Variants in COL22A1 observed in about 807,000 individuals in gnomAD.
COL22A1 encodes the protein collagen type XXII alpha 1 chain, also known as collagen alpha-1(XXII) chain.
In COL22A1, 221 loss-of-function variants were observed where a neutral mutation model predicts 248.9. The ratio of observed to expected loss-of-function variants is 0.89; its 90% CI spans 0.80 to 0.99. The LOEUF is 0.99. COL22A1 is among the 50% of genes least tolerant of loss of function. The pLI is 0.00. For synonymous variants in COL22A1, 891 were observed against 793.4 expected (o/e 1.12, Z -2.07); for missense variants, 2,240 against 2,179.0 (o/e 1.03, Z -0.56).
At chr8:138,795,411 G>T (rs886796280) in intron 12 of COL22A1, among the ~76,000 whole-genome samples, 6 of 152,126 alleles carry the variant, frequency 3.9e-5, no homozygotes, top group Non-Finnish European at 1.5e-5. Context: ...ATGACACAAA[G>T]AAATGTGAGG....
chr8:138,858,066 G>T (rs900348400), intron 3 of COL22A1, among the ~76,000 whole-genome samples: 13 of 152,226 alleles, frequency 8.5e-5, no homozygotes, highest in African/African-American at 3.1e-4. Context: ...GACGTCATCA[G>T]TTCAGTGTGA....
intron 16 of COL22A1, among the ~76,000 whole-genome samples, chr8:138,773,903 T>C (rs1834601368): frequency 6.6e-6 from 1 of 152,206 alleles, no homozygotes; most frequent in East Asian, 1.9e-4. Flanking sequence ...AGCCCAGCCC[T>C]GCTGCGGGGC....
intron 55 of COL22A1, among the ~76,000 whole-genome samples, chr8:138,614,531 G>A (rs1819153345): frequency 6.6e-6 from 1 of 152,222 alleles, no homozygotes; most frequent in Admixed American, 6.5e-5. Context: ...AGGGAAGGAA[G>A]CATAGCCCAT....
intron 5 of COL22A1, 33 bp from the exon 6 acceptor site, chr8:138,826,814 T>G (rs1435452813): frequency 3.7e-6 from 6 of 1,612,020 alleles, no homozygotes; most frequent in Non-Finnish European, 5.1e-6. Context: ...ACACCAGGCT[T>G]GGCGATGAGA....
intron 3 of COL22A1, among the ~76,000 whole-genome samples, chr8:138,869,940 G>A (rs1012679729): frequency 4.6e-5 from 7 of 152,194 alleles, no homozygotes; most frequent in African/African-American, 7.2e-5. Context: ...TGTAGTGTGT[G>A]TAGTATATGT....
intron 16 of COL22A1, among the ~76,000 whole-genome samples, chr8:138,772,227 A>G (rs1459873869): frequency 2.0e-5 from 3 of 152,222 alleles, no homozygotes; most frequent in Non-Finnish European, 4.4e-5. Context: ...CCATGTGTCA[A>G]CAGAGGACTG....
At chr8:138,652,135 C>T (rs1473809811) in intron 45 of COL22A1, among the ~76,000 whole-genome samples, 4 of 152,224 alleles carry the variant, frequency 2.6e-5, no homozygotes. Flanking sequence ...CCCCGAGTCC[C>T]TCCTGGCCCT....
At chr8:138,869,073 G>A (rs1466979907) in intron 3 of COL22A1, among the ~76,000 whole-genome samples, 1 of 152,270 alleles carries the variant, frequency 6.6e-6, no homozygotes, top group South Asian at 2.1e-4. Flanking sequence ...GAAGAGAAAG[G>A]TTACATAACT....
At chr8:138,652,375 G>C (rs1822816222) in intron 45 of COL22A1, among the ~76,000 whole-genome samples, 1 of 152,216 alleles carries the variant, frequency 6.6e-6, no homozygotes, top group South Asian at 2.1e-4. Context: ...CTGACACAGA[G>C]TGAAAGCATA....
intron 41 of COL22A1, among the ~76,000 whole-genome samples, chr8:138,666,932 T>C (rs1489371198): frequency 6.6e-6 from 1 of 152,232 alleles, no homozygotes; most frequent in African/African-American, 2.4e-5. Flanking sequence ...TTAGACAGCT[T>C]CTCTGACCTT....
intron 24 of COL22A1, 97 bp downstream of exon 24, chr8:138,725,290 T>A: frequency 7.9e-7 from 1 of 1,270,310 alleles, no homozygotes; most frequent in Non-Finnish European, 1.2e-6. Flanking sequence ...CTTGGGTGGA[T>A]AAAAGACAAG....
At position 138,893,471 on chromosome 8, in the gene COL22A1, C is replaced by G. The variant is rs1825202320; in HGVS notation, c.-72-10227G>C. ...GATATATAAAAAGCCTAAAATGTAC[C>G]TGGACACAGATGGTGCTTAAGCCAC... On this transcript the variant is annotated intron_variant, in intron 1 of 64. Transcript: ENST00000303045. Among the ~76,000 whole-genome samples the G allele has an allele frequency of 2.0e-5, 3 of 152,290 alleles. No homozygotes were observed. In the South Asian group the frequency reaches 6.2e-4, roughly 32 times the overall value.
chr8:138,809,893 G>T (rs1818060466), intron 9 of COL22A1, among the ~76,000 whole-genome samples: 1 of 152,006 alleles, frequency 6.6e-6, no homozygotes, highest in African/African-American at 2.4e-5. Context: ...TTATTTATTG[G>T]CTTTCTCTGT....
chr8:138,892,543 C>A (rs1436922996), intron 1 of COL22A1, among the ~76,000 whole-genome samples: 1 of 152,208 alleles, frequency 6.6e-6, no homozygotes, highest in Non-Finnish European at 1.5e-5. Flanking sequence ...TTCTCTCTCT[C>A]ACCCAGCCCT....
At chr8:138,656,058 G>A (rs998070231) in intron 44 of COL22A1, 114 bp from the exon 45 acceptor site, 10 of 815,272 alleles carry the variant, frequency 1.2e-5, no homozygotes, top group South Asian at 8.8e-5. Flanking sequence ...GACACACTGC[G>A]CCGTGCGTGG....
intron 12 of COL22A1, among the ~76,000 whole-genome samples, chr8:138,785,313 C>T: frequency 6.6e-6 from 1 of 152,222 alleles, no homozygotes; most frequent in East Asian, 1.9e-4. Context: ...AAGGTCCATG[C>T]TCCAACCCCT....
intron 1 of COL22A1, among the ~76,000 whole-genome samples, chr8:138,901,508 A>G (rs1016650967): frequency 6.6e-6 from 1 of 151,848 alleles, no homozygotes; most frequent in Non-Finnish European, 1.5e-5. Context: ...CTGAGACTAC[A>G]GGTACATACC....
intron 23 of COL22A1, among the ~76,000 whole-genome samples, chr8:138,732,209 A>G (rs546696769): frequency 6.6e-6 from 1 of 152,310 alleles, no homozygotes; most frequent in South Asian, 2.1e-4. Flanking sequence ...CCTTTTATAG[A>G]TGAGAATATT....
At chr8:138,710,750 C>T (rs1586534845) in intron 30 of COL22A1, among the ~76,000 whole-genome samples, 1 of 152,202 alleles carries the variant, frequency 6.6e-6, no homozygotes, top group South Asian at 2.1e-4. Context: ...TGTGGCATTG[C>T]TCTGACTAAA....
Sources: allele counts gnomAD v4.1 joint callset (sites outside exome capture counted in the v4.1 genomes callset), GRCh38; gene constraint gnomAD v4.1.1; transcripts MANE v1.5; gene names NCBI Gene and HGNC (gene_info 2026-07-23, HGNC 2026-07-21).